The following ROBO4 variants were observed in gnomAD, a reference collection of about 807,000 sequenced individuals.
The protein encoded by ROBO4 is roundabout homolog 4.
Under a neutral mutation model 103.3 loss-of-function variants are expected in ROBO4, and 80 were observed. The ratio of observed to expected loss-of-function variants is 0.77; its 90% CI spans 0.65 to 0.93. ROBO4 has a LOEUF of 0.93. Ranked by LOEUF, ROBO4 falls within the 40% of genes least tolerant of loss-of-function variation. The pLI, the probability that ROBO4 is intolerant of heterozygous loss-of-function variation, is 0.00. For synonymous variants in ROBO4, 504 were observed against 529.7 expected, an observed-to-expected ratio of 0.95 and a Z score of 0.67; for missense variants, 1,333 against 1,305.3, an observed-to-expected ratio of 1.02 and a Z score of -0.33.
Position 124,897,275 on chromosome 11 carries a change from G to A in ROBO4, c.71-14C>T, listed in dbSNP as rs373147402. 82 of 1,429,870 alleles carry A rather than the reference G, an allele frequency of 5.7e-5. No individual in the cohort carries two copies. In the African/African-American group the frequency reaches 9.8e-4, roughly 17 times the overall value. The allele number at this position is 1,429,870 out of a possible 1,614,324, so 88.6% of individuals were successfully genotyped here. On this transcript the variant is annotated splice_polypyrimidine_tract_variant and intron_variant, in intron 1 of 17. Transcript: ENST00000306534. ...GAGCCATGCCTCCTGGGAGGGAAAG[G>A]GAGCAGAGCCCAGTCTGATCACCAG...
chr11:124,896,061 G>C (rs563212841), intron 4 of ROBO4, 137 bp downstream of exon 4: 1 of 1,514,680 alleles, frequency 6.6e-7, no homozygotes, highest in African/African-American at 1.4e-5. Context: ...CTCTAGCAGG[G>C]GGGAACCTCC....
At chr11:124,890,437 A>G (rs1244966681) in intron 12 of ROBO4, among the ~76,000 whole-genome samples, 1 of 152,242 alleles carries the variant, frequency 6.6e-6, no homozygotes, top group Admixed American at 6.5e-5. Context: ...CAGAAATAGG[A>G]AAAAATACTC....
intron 10 of ROBO4, 21 bp from the exon 11 acceptor site, chr11:124,891,823 G>T: frequency 6.2e-7 from 1 of 1,613,422 alleles, no homozygotes; most frequent in South Asian, 1.1e-5. Flanking sequence ...GGAGGGAGGG[G>T]GTGAGGCCAG....
intron 2 of ROBO4, 105 bp from the exon 3 acceptor site, chr11:124,896,775 T>G (rs1946900152): frequency 2.0e-6 from 3 of 1,514,764 alleles, no homozygotes; most frequent in Non-Finnish European, 2.7e-6. Flanking sequence ...GCCTCCCATT[T>G]AGGGCCAGCC....
rs1319075663 is a variant in ROBO4, at chr11:124,886,492, C to T, written c.2766G>A (p.Glu922=). 6 of 1,614,086 alleles carry T rather than the reference C, an allele frequency of 3.7e-6. No homozygotes were observed. Among genetic ancestry groups the T allele is most frequent in the South Asian group, 1.1e-5 (1 of 91,072 alleles). ...TGAAGACGCAGTCTGCCTCCCTGGG[C>T]TCTAGACCGAAACCAAAGCTATCCA... ...VAVDSFGFGL[E]PREADCVFID... The change falls in exon 16 of 18, where the codon GAG becomes GAA. Residue 922 remains glutamate (E), a synonymous_variant. Coordinates refer to ENST00000306534, the MANE Select transcript of ROBO4 (RefSeq NM_019055.6).
chr11:124,886,399 A>C (rs1312156974), intron 16 of ROBO4, 65 bp downstream of exon 16: 1 of 1,245,062 alleles, frequency 8.0e-7, no homozygotes. Context: ...CAATGATGAC[A>C]TGATAACAGT....
Position 124,895,914 on chromosome 11 carries a change from T to C in ROBO4, c.680-2A>G. On this transcript the variant is annotated splice_acceptor_variant, in intron 4 of 17. Transcript: ENST00000306534. LOFTEE classifies it high-confidence loss of function. ...CAGGCTCCGTGTAGTCCTGGGGCTC[T>C]GTGGGGAGGATAGGGCTGGGCTGGG... 6 of 1,613,534 alleles carry C rather than the reference T, an allele frequency of 3.7e-6. No homozygotes were observed. The highest frequency in any genetic ancestry group is 5.1e-6 in the Non-Finnish European group (6 of 1,179,982).
intron 2 of ROBO4, 67 bp from the exon 3 acceptor site, chr11:124,896,737 GCC>G (rs1284969616): frequency 1.9e-6 from 3 of 1,550,046 alleles, no homozygotes; most frequent in Non-Finnish European, 2.6e-6. Flanking sequence ...TATCACTCTT[GCC>G]CCCTTCTGCT....
In ROBO4 at chr11:124,894,284, A is replaced by G. The variant is rs1946846036; in HGVS notation, c.1235T>C (p.Met412Thr). Residue 412 changes from methionine to threonine, a missense_variant, in exon 8 of 18, where the codon ATG (methionine) becomes ACG (threonine). Transcript: ENST00000306534. ...EQTQLEIATH[M>T]PGSYCVQVAA... ...CACTTGCACGCAGTAGGAGCCTGGC[A>G]TATGGGTGGCGATTTCCAGCTGGGT... is the stretch of plus-strand genomic sequence containing the variant. The G allele has an allele frequency of 1.2e-6, 2 of 1,614,034 alleles. No homozygotes were observed. Among genetic ancestry groups the G allele is most frequent in the African/African-American group, 2.7e-5 (2 of 74,934 alleles).
intron 6 of ROBO4, 61 bp downstream of exon 6, chr11:124,895,396 C>A (rs1029510150): frequency 1.2e-5 from 18 of 1,506,012 alleles, no homozygotes; most frequent in Non-Finnish European, 1.5e-5. Flanking sequence ...AGTCCAGGGG[C>A]CCCCAAATAA....
rs1346166684 is a variant in ROBO4 at position 124,897,824 on chromosome 11, C to T, written c.-29G>A. 35 of 1,579,926 alleles carry T rather than the reference C, an allele frequency of 2.2e-5. No homozygotes were observed. The highest frequency in any genetic ancestry group is 2.8e-5 in the Non-Finnish European group (32 of 1,153,780). Reference sequence around the variant, plus strand: ...TACTCTCAGCCCTATGTCCTTGTCCCGAGCACTTTGTCCTGCTGCTCTGAG... The same window carrying T: ...TACTCTCAGCCCTATGTCCTTGTCCTGAGCACTTTGTCCTGCTGCTCTGAG... On this transcript the variant is annotated 5_prime_UTR_variant, in exon 1 of 18. Coordinates refer to ENST00000306534, the MANE Select transcript of ROBO4 (RefSeq NM_019055.6).
rs771368568 is a variant in ROBO4, at chr11:124,886,815, C to T, written c.2443G>A (p.Val815Ile). 7.8e-6 allele frequency: 12 copies of T among 1,534,176 alleles called. No individual in the cohort carries two copies. The highest frequency in any genetic ancestry group is 2.0e-5 in the Admixed American group (1 of 49,948). ...GAAGGAGCCCTTGGCATGGGAGAGA[C>T]GCTGTTCCTAGGGAGAGGCAAAAGG... is the stretch of plus-strand genomic sequence containing the variant. Reference protein sequence around the residue: ...SEGEETPRNSVSPMPRAPSPP... With the variant: ...SEGEETPRNSISPMPRAPSPP... The change falls in exon 16 of 18, where the codon GTC becomes ATC. Residue 815 changes from valine (V) to isoleucine (I), a missense_variant. Physicochemically the swap from Val to Ile is conservative, Grantham distance 29. Coordinates refer to ENST00000306534, the MANE Select transcript of ROBO4 (RefSeq NM_019055.6).
In ROBO4 at chr11:124,891,814, G is replaced by A. The variant is rs1946804279; in HGVS notation, c.1548-12C>T. 6.2e-7 allele frequency: 1 copy of A among 1,613,808 alleles called. No homozygotes were observed. Among genetic ancestry groups the A allele is most frequent in the African/African-American group, 1.3e-5 (1 of 74,948 alleles). On this transcript the variant is annotated splice_polypyrimidine_tract_variant and intron_variant, in intron 10 of 17. Coordinates refer to ENST00000306534, the MANE Select transcript of ROBO4 (RefSeq NM_019055.6). ...CACTGTGATCCATCCTGGGGCAGTGGAGGGAGGGGGTGAGGCCAGGAGAAA... is the reference window on the plus strand; with the variant it reads ...CACTGTGATCCATCCTGGGGCAGTGAAGGGAGGGGGTGAGGCCAGGAGAAA...
At chr11:124,897,398 A>G (rs1243237005) in intron 1 of ROBO4, 137 bp from the exon 2 acceptor site, 4 of 688,630 alleles carry the variant, frequency 5.8e-6, no homozygotes, top group East Asian at 5.7e-5. Flanking sequence ...TTGCCTCCCA[A>G]AGAACAAGCC....
chr11:124,897,331 T>G, intron 1 of ROBO4, 70 bp from the exon 2 acceptor site: 2 of 1,148,204 alleles, frequency 1.7e-6, no homozygotes, highest in Non-Finnish European at 2.4e-6. Flanking sequence ...CCACCCCTCA[T>G]CTGTCTTCTC....
intron 10 of ROBO4, chr11:124,892,114 C>T (rs1591533959): frequency 1.1e-5 from 6 of 568,322 alleles, no homozygotes; most frequent in South Asian, 9.2e-5. Context: ...CAATCTCTAT[C>T]TGTCACAGCT....
At chr11:124,885,282 G>C in intron 16 of ROBO4, 35 bp from the exon 17 acceptor site, 1 of 1,576,682 alleles carries the variant, frequency 6.3e-7, no homozygotes, top group South Asian at 1.1e-5. Context: ...GTGGGAGGTT[G>C]ACCTTCAGCC....
chr11:124,897,039 T>C lies in ROBO4; in HGVS notation c.293A>G (p.His98Arg). 1 of 1,613,964 alleles carries C rather than the reference T, an allele frequency of 6.2e-7. No individual in the cohort carries two copies. The highest frequency in any genetic ancestry group is 8.5e-7 in the Non-Finnish European group (1 of 1,179,962). Residue 98 changes from histidine to arginine, a missense_variant, in exon 2 of 18, where the codon CAT becomes CGT. Coordinates refer to ENST00000306534, the MANE Select transcript of ROBO4 (RefSeq NM_019055.6). ...LLLLQPPARG[H>R]AHDGQALSTD... ...GGACAGGGCCTGGCCATCGTGGGCA[T>C]GTCCCCGGGCAGGGGGCTGTAGCAG... is the stretch of plus-strand genomic sequence containing the variant.
chr11:124,897,320 C>A (rs991157520), intron 1 of ROBO4, 59 bp from the exon 2 acceptor site: 2 of 1,228,512 alleles, frequency 1.6e-6, no homozygotes, highest in Non-Finnish European at 2.2e-6. Context: ...AAATTCCTGG[C>A]CCACCCCTCA....
Sources: gnomAD v4.1 joint callset for allele counts (sites outside exome capture counted in the v4.1 genomes callset) on GRCh38, gnomAD v4.1.1 for gene constraint, MANE v1.5 for transcripts, NCBI Gene and HGNC (gene_info 2026-07-23, HGNC 2026-07-21) for gene names.